The following GPC5 variants were observed in gnomAD, a reference collection of about 807,000 sequenced individuals.
GPC5 encodes glypican 5.
Under a neutral mutation model 53.9 loss-of-function variants are expected in GPC5, and 47 were observed. The observed-to-expected ratio is 0.87, with a 90% CI of 0.69 to 1.11. The LOEUF is 1.11. Ranked by LOEUF, GPC5 falls within the 50% of genes most tolerant of loss-of-function variation. GPC5 has a pLI of 0.00. For missense variants in GPC5, 748 were observed against 713.1 expected (o/e 1.05, Z -0.56); for synonymous variants, 286 against 263.3 (o/e 1.09, Z -0.84).
At chr13:91,878,135 GACTA>G (rs1176371658) in intron 5 of GPC5, among the ~76,000 whole-genome samples, 4 of 152,084 alleles carry the variant, frequency 2.6e-5, no homozygotes, top group African/African-American at 9.7e-5. Context: ...CATGTAAACA[GACTA>G]ATACAACTAG....
At chr13:92,721,376 T>TA (rs1888504217) in intron 7 of GPC5, among the ~76,000 whole-genome samples, 1 of 151,998 alleles carries the variant, frequency 6.6e-6, no homozygotes. Flanking sequence ...ATGAAATAGG[T>TA]AAAATAAAAC....
intron 7 of GPC5, among the ~76,000 whole-genome samples, chr13:92,706,522 A>C (rs68103324): frequency 0.072 from 10,990 of 152,078 alleles, 814 homozygotes; most frequent in East Asian, 0.32. Context: ...GCCAGCTCCC[A>C]CAGTTAGATT....
At chr13:92,135,767 C>T (rs968833202) in intron 6 of GPC5, among the ~76,000 whole-genome samples, 8 of 152,178 alleles carry the variant, frequency 5.3e-5, no homozygotes, top group African/African-American at 1.9e-4. Flanking sequence ...GAGCCGAGAT[C>T]AGAAAGTTCA....
At chr13:92,770,172 A>T (rs961098144) in intron 7 of GPC5, among the ~76,000 whole-genome samples, 3 of 152,066 alleles carry the variant, frequency 2.0e-5, no homozygotes, top group Non-Finnish European at 4.4e-5. Flanking sequence ...CCAGCACTTT[A>T]GGAGGCTGAG....
In GPC5 at chr13:91,403,479, T is replaced by G. The variant is rs572709847; in HGVS notation, c.163+4270T>G. 1.4e-3 allele frequency among the ~76,000 whole-genome samples: 213 copies of G among 152,248 alleles called. 1 individual carries two copies. Among genetic ancestry groups the G allele is most frequent in the African/African-American group, 4.8e-3 (200 of 41,538 alleles). On this transcript the variant is annotated intron_variant, in intron 1 of 7. Coordinates refer to ENST00000377067, the MANE Select transcript of GPC5 (RefSeq NM_004466.6). The stretch of plus-strand genomic sequence containing the variant: ...GTTAGAAAGATTAAGGTGGGGTAGT[T>G]GTCATAAATAAAGAAGCAGTAGTAG...
chr13:92,662,165 C>T (rs2139187514), intron 7 of GPC5, among the ~76,000 whole-genome samples: 1 of 152,314 alleles, frequency 6.6e-6, no homozygotes, highest in South Asian at 2.1e-4. Flanking sequence ...ACTCAACTCC[C>T]AATGTGTTTA....
At chr13:92,656,847 T>C (rs930095977) in intron 7 of GPC5, among the ~76,000 whole-genome samples, 15 of 152,174 alleles carry the variant, frequency 9.9e-5, no homozygotes, top group African/African-American at 3.4e-4. Context: ...CCAGCTACTC[T>C]TACGAGTCTG....
chr13:91,957,237 G>A (rs1418057654), intron 6 of GPC5, among the ~76,000 whole-genome samples: 2 of 152,060 alleles, frequency 1.3e-5, no homozygotes, highest in East Asian at 3.9e-4. Context: ...GAAAGAATTT[G>A]AGAACTTGAA....
chr13:92,623,566 A>G (rs1349984404), intron 7 of GPC5, among the ~76,000 whole-genome samples: 1 of 152,230 alleles, frequency 6.6e-6, no homozygotes, highest in African/African-American at 2.4e-5. Context: ...TATTATTAAC[A>G]ATTCTTGAAT....
chr13:92,054,052 T>TAAAA (rs1468777355), intron 6 of GPC5, among the ~76,000 whole-genome samples: 1 of 149,996 alleles, frequency 6.7e-6, no homozygotes, highest in Non-Finnish European at 1.5e-5. Context: ...AATAAATAAA[T>TAAAA]AAATAAATAA....
At chr13:91,981,752 CA>C (rs1193900983) in intron 6 of GPC5, among the ~76,000 whole-genome samples, 1 of 151,968 alleles carries the variant, frequency 6.6e-6, no homozygotes, top group Non-Finnish European at 1.5e-5. Context: ...GACATGTAAC[CA>C]AGATGTTAAT....
intron 2 of GPC5, among the ~76,000 whole-genome samples, chr13:91,503,109 G>C (rs1026280739): frequency 1.3e-5 from 2 of 152,158 alleles, no homozygotes; most frequent in African/African-American, 4.8e-5. Context: ...TACTATGCAT[G>C]CTTCATTAAA....
intron 6 of GPC5, among the ~76,000 whole-genome samples, chr13:92,018,530 C>A (rs1281226435): frequency 1.3e-5 from 2 of 151,956 alleles, no homozygotes; most frequent in Admixed American, 6.6e-5. Flanking sequence ...CACAGGATAA[C>A]CAAATTCAAA....
At chr13:92,854,808 A>T (rs938044088) in intron 7 of GPC5, among the ~76,000 whole-genome samples, 1 of 151,978 alleles carries the variant, frequency 6.6e-6, no homozygotes, top group African/African-American at 2.4e-5. Context: ...CCAAATAAAT[A>T]GTTTGCAAAT....
chr13:91,580,007 A>T (rs989007596), intron 2 of GPC5, among the ~76,000 whole-genome samples: 3 of 152,000 alleles, frequency 2.0e-5, no homozygotes, highest in African/African-American at 4.8e-5. Flanking sequence ...ATCATATAAG[A>T]GATATAATAT....
rs751743126 is a variant in GPC5, at chr13:91,970,020, G to T, written c.1401+61963G>T. Among the ~76,000 whole-genome samples the T allele has an allele frequency of 9.9e-5, 15 of 152,122 alleles. No individual in the cohort carries two copies. In the Middle Eastern group the frequency reaches 0.01, roughly 103 times the overall value. ...AGTCAAGATGAGGAATCAACCTGAG[G>T]GTTCATCAAGGAATAAATGGTAAAG... On this transcript the variant is annotated intron_variant, in intron 6 of 7. Transcript: ENST00000377067.
intron 7 of GPC5, among the ~76,000 whole-genome samples, chr13:92,710,224 A>C (rs921905017): frequency 1.7e-4 from 26 of 152,174 alleles, no homozygotes; most frequent in Admixed American, 1.7e-3. Flanking sequence ...ATGATGTTAA[A>C]TATCAGATAT....
intron 7 of GPC5, among the ~76,000 whole-genome samples, chr13:92,237,988 C>T (rs1447629059): frequency 6.6e-6 from 1 of 151,890 alleles, no homozygotes; most frequent in Non-Finnish European, 1.5e-5. Flanking sequence ...CTTGTTCATC[C>T]ATGCCGTACA....
intron 7 of GPC5, among the ~76,000 whole-genome samples, chr13:92,653,110 A>G (rs1300191948): frequency 6.6e-6 from 1 of 152,200 alleles, no homozygotes; most frequent in Non-Finnish European, 1.5e-5. Flanking sequence ...AAGTAAGCCA[A>G]TAAAAGTTTT....
Sources: allele counts gnomAD v4.1 joint callset (sites outside exome capture counted in the v4.1 genomes callset), GRCh38; gene constraint gnomAD v4.1.1; transcripts MANE v1.5; gene names NCBI Gene and HGNC (gene_info 2026-07-23, HGNC 2026-07-21).